Variants in OR3A2 observed in about 807,000 individuals in gnomAD.
The protein encoded by OR3A2 is olfactory receptor 3A2.
For synonymous variants in OR3A2, 126 were observed against 159.3 expected (o/e 0.79, Z 1.57); for missense variants, 318 against 392.8 (o/e 0.81, Z 1.61).
chr17:3,338,755 CTCT>C (rs777776023), intron 2 of OR3A2, among the ~76,000 whole-genome samples: 1 of 152,132 alleles, frequency 6.6e-6, no homozygotes, highest in Non-Finnish European at 1.5e-5. Flanking sequence ...GCAATGCAGG[CTCT>C]TTTTTGGTTC....
chr17:3,353,731 T>C (rs1417600141), intron 2 of OR3A2, among the ~76,000 whole-genome samples: 3 of 151,852 alleles, frequency 2.0e-5, no homozygotes, highest in African/African-American at 7.2e-5. Context: ...ACATGAGTTG[T>C]TTTGATACAG....
At chr17:3,372,108 G>A (rs1458363248) in intron 2 of OR3A2, among the ~76,000 whole-genome samples, 5 of 149,488 alleles carry the variant, frequency 3.3e-5, no homozygotes, top group East Asian at 4.2e-4. Context: ...CTTCTCAGAC[G>A]GGGCGGCCAG....
At chr17:3,331,207 C>T (rs1406185376) in intron 3 of OR3A2, among the ~76,000 whole-genome samples, 5 of 151,988 alleles carry the variant, frequency 3.3e-5, no homozygotes, top group Admixed American at 3.3e-4. Flanking sequence ...AGTTGCTCTT[C>T]TCAAGGAGTA....
chr17:3,342,711 T>C (rs2049329743), intron 2 of OR3A2, among the ~76,000 whole-genome samples: 1 of 152,138 alleles, frequency 6.6e-6, no homozygotes, highest in African/African-American at 2.4e-5. Flanking sequence ...CTGGGAGGTG[T>C]CTCCAAGTTA....
At chr17:3,327,499 C>T (rs1170634515) in intron 3 of OR3A2, among the ~76,000 whole-genome samples, 6 of 133,600 alleles carry the variant, frequency 4.5e-5, no homozygotes, top group African/African-American at 1.5e-4. Context: ...TCTCCCATTC[C>T]GTAGGTTGCC....
upstream of OR3A2, among the ~76,000 whole-genome samples, chr17:3,288,246 C>CAAAAAAAAAAAAAAA: frequency 8.2e-5 from 6 of 73,486 alleles, no homozygotes; most frequent in Non-Finnish European, 1.7e-4. Context: ...ACCAAAAGGG[C>CAAAAAAAAAAAAAAA]AAAAAAAAAA....
chr17:3,334,095 T>G (rs1365348167), intron 3 of OR3A2, among the ~76,000 whole-genome samples: 5 of 152,042 alleles, frequency 3.3e-5, no homozygotes, highest in Non-Finnish European at 7.4e-5. Flanking sequence ...TACTAAAAAG[T>G]CAAGAAACAA....
At chr17:3,312,319 T>G (rs529314571) in intron 3 of OR3A2, among the ~76,000 whole-genome samples, 1 of 152,290 alleles carries the variant, frequency 6.6e-6, no homozygotes, top group African/African-American at 2.4e-5. Flanking sequence ...GTGTTGGGTG[T>G]GATTTTTAAA....
Position 3,278,926 on chromosome 17 carries a change from G to GT in OR3A2, c.-6-4dup, listed in dbSNP as rs1443475367. 6.5e-7 allele frequency: 1 copy of GT among 1,533,706 alleles called. No individual in the cohort carries two copies. Among genetic ancestry groups the GT allele is most frequent in the Non-Finnish European group, 8.7e-7 (1 of 1,145,058 alleles). On this transcript the variant is annotated splice_polypyrimidine_tract_variant and splice_region_variant and intron_variant, in intron 1 of 1. Coordinates refer to ENST00000642052, the Ensembl canonical transcript of OR3A2. ...CCAGCTTCTGGCTCCATGAGTTTCTGTAAGGACATGTCCCAGCAGGGGAGG... is the reference window on the plus strand; with the variant it reads ...CCAGCTTCTGGCTCCATGAGTTTCTGTTAAGGACATGTCCCAGCAGGGGAGG...
chr17:3,306,990 C>T (rs148230652), intron 3 of OR3A2, among the ~76,000 whole-genome samples: 139 of 152,250 alleles, frequency 9.1e-4, no homozygotes, highest in Admixed American at 1.7e-3. Flanking sequence ...TGTGTGTGTG[C>T]GCATTTTGTA....
At chr17:3,319,534 ACC>A (rs1339535208) in intron 3 of OR3A2, among the ~76,000 whole-genome samples, 4 of 151,246 alleles carry the variant, frequency 2.6e-5, no homozygotes, top group African/African-American at 9.7e-5. Context: ...CCATCCCACC[ACC>A]CCACAACAGT....
intron 3 of OR3A2, among the ~76,000 whole-genome samples, chr17:3,297,729 A>C (rs1053913541): frequency 2.7e-5 from 4 of 147,802 alleles, no homozygotes; most frequent in Admixed American, 2.0e-4. Flanking sequence ...AGGGTTCAAT[A>C]TTTCTGAAAT....
chr17:3,349,358 CAA>C (rs1402237757), intron 2 of OR3A2, among the ~76,000 whole-genome samples: 1 of 151,256 alleles, frequency 6.6e-6, no homozygotes, highest in Non-Finnish European at 1.5e-5. Flanking sequence ...AAATGGAAAA[CAA>C]AAAAAGGCAG....
chr17:3,370,081 G>A (rs2049599892), intron 2 of OR3A2, among the ~76,000 whole-genome samples: 1 of 152,186 alleles, frequency 6.6e-6, no homozygotes, highest in South Asian at 2.1e-4. Flanking sequence ...GAGATTACAG[G>A]TGTGAGCCAC....
At chr17:3,317,466 G>C (rs570762044) in intron 3 of OR3A2, among the ~76,000 whole-genome samples, 18 of 152,264 alleles carry the variant, frequency 1.2e-4, no homozygotes, top group African/African-American at 1.7e-4. Flanking sequence ...GGAAGCTCAC[G>C]CACCTTGTTG....
chr17:3,368,042 A>G (rs2049579631), intron 2 of OR3A2, among the ~76,000 whole-genome samples: 1 of 152,050 alleles, frequency 6.6e-6, no homozygotes, highest in South Asian at 2.1e-4. Context: ...ATATCTTTTG[A>G]GAATTGTCTA....
chr17:3,347,414 T>A (rs113121079), intron 2 of OR3A2, among the ~76,000 whole-genome samples: 13,111 of 152,030 alleles, frequency 0.086, 1,070 homozygotes, highest in East Asian at 0.48. Flanking sequence ...CCCACAACAG[T>A]CCCCAGAGTG....
intron 3 of OR3A2, among the ~76,000 whole-genome samples, chr17:3,300,313 C>T (rs933039191): frequency 1.3e-5 from 2 of 152,188 alleles, no homozygotes; most frequent in African/African-American, 4.8e-5. Context: ...AATCCTCACA[C>T]TTTGGGAGGC....
In OR3A2 at chr17:3,330,227, T is replaced by C. The variant is rs1039409977; in HGVS notation, c.-85+5806A>G. Among the ~76,000 whole-genome samples the C allele has an allele frequency of 3.1e-3, 476 of 151,850 alleles. 4 individuals are homozygous for C. Among genetic ancestry groups the C allele is most frequent in the Admixed American group, 6.2e-3 (94 of 15,256 alleles). ...GAGAGTTCTGTAGATGTCTATTAGG[T>C]TGGCTTGGTGCAGAGCTGAGTTCAA... On this transcript the variant is annotated intron_variant, in intron 3 of 4. Coordinates refer to the OR3A2 transcript ENST00000573491.
Sources: gnomAD v4.1 joint callset for allele counts (sites outside exome capture counted in the v4.1 genomes callset) on GRCh38, gnomAD v4.1.1 for gene constraint, MANE v1.5 for transcripts, NCBI Gene and HGNC (gene_info 2026-07-23, HGNC 2026-07-21) for gene names.